The following SSBP2 variants were observed in gnomAD, a reference collection of about 807,000 sequenced individuals.
The protein encoded by SSBP2 is single-stranded DNA-binding protein 2.
SSBP2 carries 17 observed loss-of-function variants against 61.8 expected under a neutral mutation model. The observed-to-expected ratio is 0.28, with a 90% CI of 0.19 to 0.41. SSBP2 has a LOEUF of 0.41. Ranked by LOEUF, SSBP2 falls within the 10% of genes least tolerant of loss-of-function variation. The pLI is 1.00. For missense variants in SSBP2, 310 were observed against 458.7 expected, an observed-to-expected ratio of 0.68 and a Z score of 2.96; for synonymous variants, 139 against 141.3, an observed-to-expected ratio of 0.98 and a Z score of 0.12.
intron 3 of SSBP2, among the ~76,000 whole-genome samples, chr5:81,626,411 A>C (rs1747148430): frequency 6.6e-6 from 1 of 152,234 alleles, no homozygotes; most frequent in South Asian, 2.1e-4. Context: ...AATTAGATTA[A>C]ATAATTTGCC....
intron 1 of SSBP2, among the ~76,000 whole-genome samples, chr5:81,651,489 T>C (rs1051723864): frequency 1.3e-5 from 2 of 152,202 alleles, no homozygotes; most frequent in African/African-American, 4.8e-5. Flanking sequence ...ATTCTGTAGC[T>C]ACTAAACACC....
At chr5:81,683,730 C>A (rs1372368078) in intron 1 of SSBP2, among the ~76,000 whole-genome samples, 3 of 152,156 alleles carry the variant, frequency 2.0e-5, no homozygotes, top group Non-Finnish European at 4.4e-5. Context: ...TGATAAAGGA[C>A]TGTTGATCCA....
intron 6 of SSBP2, among the ~76,000 whole-genome samples, chr5:81,486,854 T>C (rs1439008263): frequency 6.6e-6 from 1 of 152,206 alleles, no homozygotes; most frequent in Non-Finnish European, 1.5e-5. Flanking sequence ...CCAAGCACTG[T>C]TATCATGAGA....
rs115429428 is a variant in SSBP2, at chr5:81,654,263, T to C, written c.63-3924A>G. On this transcript the variant is annotated intron_variant, in intron 1 of 16. Transcript: ENST00000320672. ...TACAGGCATGAGCGACTGGACCTAG[T>C]CAGTTTGTTTCTAAAAATATGTTTC... Among the ~76,000 whole-genome samples, 120 of 152,214 alleles carry C rather than the reference T, an allele frequency of 7.9e-4. 1 individual carries two copies. Among genetic ancestry groups the C allele is most frequent in the African/African-American group, 2.8e-3 (115 of 41,538 alleles).
intron 1 of SSBP2, among the ~76,000 whole-genome samples, chr5:81,746,167 C>T (rs1561753902): frequency 6.6e-6 from 1 of 152,104 alleles, no homozygotes; most frequent in Non-Finnish European, 1.5e-5. Flanking sequence ...AAACTTAACT[C>T]TGAACATCTT....
intron 6 of SSBP2, among the ~76,000 whole-genome samples, chr5:81,485,863 C>T (rs1270253740): frequency 3.9e-5 from 6 of 152,222 alleles, no homozygotes; most frequent in African/African-American, 1.4e-4. Context: ...AATAGTTTTG[C>T]CCATTCTACT....
intron 4 of SSBP2, among the ~76,000 whole-genome samples, chr5:81,538,028 A>C (rs1174658909): frequency 6.6e-6 from 1 of 152,104 alleles, no homozygotes; most frequent in Non-Finnish European, 1.5e-5. Flanking sequence ...CACATCTCTC[A>C]CTCTAAATCA....
At chr5:81,436,772 G>T (rs1763733272) in intron 15 of SSBP2, among the ~76,000 whole-genome samples, 1 of 151,998 alleles carries the variant, frequency 6.6e-6, no homozygotes, top group African/African-American at 2.4e-5. Flanking sequence ...AATTCATCAT[G>T]ACCTAAATAG....
intron 6 of SSBP2, among the ~76,000 whole-genome samples, chr5:81,478,240 C>T (rs1019101349): frequency 1.2e-4 from 19 of 152,118 alleles, no homozygotes; most frequent in Non-Finnish European, 1.5e-5. Flanking sequence ...TAGATCACTG[C>T]AGCCACAAAT....
At chr5:81,499,162 A>G (rs746340740) in intron 5 of SSBP2, among the ~76,000 whole-genome samples, 12 of 152,208 alleles carry the variant, frequency 7.9e-5, no homozygotes, top group Non-Finnish European at 1.8e-4. Flanking sequence ...GCTGATAAGC[A>G]TAAGTATGCA....
At chr5:81,700,377 T>TA (rs1370711481) in intron 1 of SSBP2, among the ~76,000 whole-genome samples, 1 of 152,216 alleles carries the variant, frequency 6.6e-6, no homozygotes, top group Non-Finnish European at 1.5e-5. Flanking sequence ...AGCCATGCTA[T>TA]AAATAGATGT....
At chr5:81,622,210 A>C (rs1179695846) in intron 3 of SSBP2, among the ~76,000 whole-genome samples, 2 of 152,042 alleles carry the variant, frequency 1.3e-5, no homozygotes, top group South Asian at 2.1e-4. Flanking sequence ...GGGGGGGAAA[A>C]ATTATGCTCC....
At chr5:81,501,601 G>GAGTGAGTGTACAC (rs1200731759) in intron 5 of SSBP2, among the ~76,000 whole-genome samples, 1 of 120,120 alleles carries the variant, frequency 8.3e-6, no homozygotes, top group Non-Finnish European at 1.7e-5. Context: ...CTCACTCTGT[G>GAGTGAGTGTACAC]GCCCAGGCTG....
At chr5:81,512,916 C>T (rs1480694688) in intron 5 of SSBP2, among the ~76,000 whole-genome samples, 2 of 151,878 alleles carry the variant, frequency 1.3e-5, no homozygotes, top group Admixed American at 6.6e-5. Context: ...TTTTCTTAAA[C>T]GGTATTATAA....
chr5:81,440,061 A>G (rs147502307), intron 14 of SSBP2, among the ~76,000 whole-genome samples: 11 of 152,272 alleles, frequency 7.2e-5, no homozygotes, highest in African/African-American at 2.6e-4. Flanking sequence ...GAATCATTCA[A>G]ATTATCCAGA....
intron 1 of SSBP2, among the ~76,000 whole-genome samples, chr5:81,749,344 ATACC>A (rs1445407030): frequency 6.6e-6 from 1 of 152,220 alleles, no homozygotes; most frequent in Non-Finnish European, 1.5e-5. Flanking sequence ...TCAAGGCCTG[ATACC>A]TCTAAATCCT....
chr5:81,614,836 A>G (rs1276009554), intron 4 of SSBP2, among the ~76,000 whole-genome samples: 1 of 151,640 alleles, frequency 6.6e-6, no homozygotes, highest in African/African-American at 2.4e-5. Flanking sequence ...CTACTTTCTG[A>G]TACTATCAGC....
chr5:81,641,474 A>C (rs2153688230), intron 2 of SSBP2, among the ~76,000 whole-genome samples: 1 of 152,368 alleles, frequency 6.6e-6, no homozygotes, highest in South Asian at 2.1e-4. Flanking sequence ...CGTCCATCAT[A>C]CTGAAGTTAA....
At chr5:81,667,036 T>C (rs10473850) in intron 1 of SSBP2, among the ~76,000 whole-genome samples, 14,148 of 152,056 alleles carry the variant, frequency 0.093, 1,622 homozygotes, top group African/African-American at 0.27. Context: ...AAACTGGATA[T>C]AGGAAACAAC....
Sources: gnomAD v4.1 joint callset for allele counts (sites outside exome capture counted in the v4.1 genomes callset) on GRCh38, gnomAD v4.1.1 for gene constraint, MANE v1.5 for transcripts, NCBI Gene and HGNC (gene_info 2026-07-23, HGNC 2026-07-21) for gene names.